BMAL2: variants seen among roughly 807,000 people sequenced by gnomAD.
BMAL2 encodes basic helix-loop-helix ARNT like 2.
chr12:27,409,255 G>A, the BMAL2 span, among the ~76,000 whole-genome samples: 31 of 152,056 alleles, frequency 2.0e-4, no homozygotes, highest in Middle Eastern at 3.4e-3. Context: ...TTTAAAGTTC[G>A]TATGGAACCA....
chr12:27,375,371 A>G, the BMAL2 span, among the ~76,000 whole-genome samples: 1 of 152,220 alleles, frequency 6.6e-6, no homozygotes, highest in African/African-American at 2.4e-5. Context: ...CTATTTAATC[A>G]TTTCAAATTA....
chr12:27,351,652 T>A, the BMAL2 span, among the ~76,000 whole-genome samples: 1 of 152,280 alleles, frequency 6.6e-6, no homozygotes, highest in South Asian at 2.1e-4. Context: ...CTGAAATTAT[T>A]CAAAGTAGCC....
the BMAL2 span, chr12:27,333,170 C>T: frequency 8.4e-7 from 1 of 1,194,854 alleles, no homozygotes; most frequent in Non-Finnish European, 1.0e-6. Flanking sequence ...CTGGGGGCGT[C>T]CCCGCGACGC....
the BMAL2 span, among the ~76,000 whole-genome samples, chr12:27,381,914 C>T: frequency 6.6e-6 from 1 of 152,018 alleles, no homozygotes; most frequent in Non-Finnish European, 1.5e-5. Context: ...AAAGGATGAC[C>T]AAGGGTCTTA....
chr12:27,368,637 A>G, the BMAL2 span, among the ~76,000 whole-genome samples: 3,577 of 152,302 alleles, frequency 0.023, 321 homozygotes, highest in Admixed American at 0.16. Flanking sequence ...AGAAAGAGAC[A>G]TAGGAACATG....
the BMAL2 span, chr12:27,380,433 G>A: frequency 6.2e-6 from 10 of 1,611,818 alleles, no homozygotes; most frequent in East Asian, 2.2e-5. Flanking sequence ...TCCACACTTC[G>A]ATAAGTGAAA....
the BMAL2 span, among the ~76,000 whole-genome samples, chr12:27,420,019 G>GCACACA: frequency 0.19 from 27,356 of 147,320 alleles, 2,556 homozygotes; most frequent in Non-Finnish European, 0.2. Context: ...GTTTGCGCGT[G>GCACACA]CACACACACA....
the BMAL2 span, among the ~76,000 whole-genome samples, chr12:27,382,396 T>C: frequency 6.6e-6 from 1 of 152,144 alleles, no homozygotes. Flanking sequence ...GGGTTTGTGG[T>C]CTGACTAGGA....
chr12:27,410,485 T>C, the BMAL2 span, among the ~76,000 whole-genome samples: 1 of 152,060 alleles, frequency 6.6e-6, no homozygotes, highest in African/African-American at 2.4e-5. Flanking sequence ...CTCAGCAAAC[T>C]ATGGCAAGGA....
chr12:27,366,865 G>A, the BMAL2 span, among the ~76,000 whole-genome samples: 1 of 152,168 alleles, frequency 6.6e-6, no homozygotes, highest in African/African-American at 2.4e-5. Context: ...ACATCCATTA[G>A]AGTCATTTAT....
chr12:27,378,628 G>A, the BMAL2 span, among the ~76,000 whole-genome samples: 16 of 152,270 alleles, frequency 1.1e-4, no homozygotes, highest in African/African-American at 3.9e-4. Context: ...GGAGAACCCT[G>A]GCCTATAATT....
At chr12:27,376,407 A>T in the BMAL2 span, 1 of 1,611,986 alleles carries the variant, frequency 6.2e-7, no homozygotes, top group South Asian at 1.1e-5. Flanking sequence ...ACTTGTTGAG[A>T]TGGTACATGG....
the BMAL2 span, among the ~76,000 whole-genome samples, chr12:27,378,869 T>C: frequency 6.6e-6 from 1 of 152,184 alleles, no homozygotes; most frequent in East Asian, 1.9e-4. Context: ...TATTTTAAGA[T>C]CTAGAATTGA....
chr12:27,370,025 G>A, the BMAL2 span: 1 of 771,738 alleles, frequency 1.3e-6, no homozygotes, highest in Non-Finnish European at 2.2e-6. Flanking sequence ...TCCTATCACT[G>A]GGTAGCTGGA....
At chr12:27,355,307 G>A in the BMAL2 span, among the ~76,000 whole-genome samples, 146,272 of 152,222 alleles carry the variant, frequency 0.96, 70,281 homozygotes, top group East Asian at 1. Context: ...TCCTCAATTC[G>A]CTGCAAACAG....
At chr12:27,415,858 ACTTTTTAAAGGTTACAGTCTT>A in the BMAL2 span, 1 of 1,574,374 alleles carries the variant, frequency 6.4e-7, no homozygotes, top group Admixed American at 1.7e-5. Context: ...TTTATGTATC[ACTTTTTAAAGGTTACAGTCTT>A]CTTCATACCT....
the BMAL2 span, among the ~76,000 whole-genome samples, chr12:27,339,296 C>A: frequency 1.3e-5 from 2 of 152,158 alleles, no homozygotes; most frequent in Non-Finnish European, 2.9e-5. Flanking sequence ...TGATCTCATT[C>A]TTTTTATGGC....
the BMAL2 span, among the ~76,000 whole-genome samples, chr12:27,406,579 G>A: frequency 6.6e-6 from 1 of 152,142 alleles, no homozygotes; most frequent in African/African-American, 2.4e-5. Flanking sequence ...TGCCTTACAA[G>A]AGCTCCTGAA....
the BMAL2 span, among the ~76,000 whole-genome samples, chr12:27,339,628 CT>C: frequency 0.05 from 7,163 of 144,422 alleles, 378 homozygotes; most frequent in East Asian, 0.34. Context: ...ACTTTTTGAC[CT>C]TTTTTTTTTT....
Sources: gnomAD v4.1 joint callset for allele counts (sites outside exome capture counted in the v4.1 genomes callset) on GRCh38, gnomAD v4.1.1 for gene constraint, MANE v1.5 for transcripts, NCBI Gene and HGNC (gene_info 2026-07-23, HGNC 2026-07-21) for gene names.